The following NLGN1 variants were observed in gnomAD, a reference collection of about 807,000 sequenced individuals.
NLGN1 encodes the protein neuroligin-1.
NLGN1 carries 12 observed loss-of-function variants against 65.5 expected under a neutral mutation model. That is an observed-to-expected ratio of 0.18 (90% CI 0.12 to 0.30). The LOEUF is 0.30. Ranked by LOEUF, NLGN1 falls within the 10% of genes least tolerant of loss-of-function variation. NLGN1 has a pLI of 1.00. For missense variants in NLGN1, 750 were observed against 1,007.1 expected, an observed-to-expected ratio of 0.74 and a Z score of 3.46; for synonymous variants, 350 against 359.5, an observed-to-expected ratio of 0.97 and a Z score of 0.30.
At chr3:173,977,489 A>T (rs1203333573) in intron 4 of NLGN1, among the ~76,000 whole-genome samples, 1 of 152,062 alleles carries the variant, frequency 6.6e-6, no homozygotes, top group South Asian at 2.1e-4. Flanking sequence ...GATCATGTAC[A>T]ATACGTTAAG....
At chr3:173,873,668 A>G (rs1731601305) in intron 4 of NLGN1, among the ~76,000 whole-genome samples, 1 of 152,132 alleles carries the variant, frequency 6.6e-6, no homozygotes, top group Admixed American at 6.5e-5. Flanking sequence ...CTTTCAATCA[A>G]GTTAGAATGG....
Position 173,497,147 on chromosome 3 carries a change from G to C in NLGN1, c.-321+62069G>C, listed in dbSNP as rs549601235. ...GCCTGCAATCCCAGCACTTTGGGAG[G>C]CCAAGGCGGGCAGATCACCTGAGGT... On this transcript the variant is annotated intron_variant, in intron 2 of 6. Coordinates refer to ENST00000457714, the Ensembl canonical transcript of NLGN1. Among the ~76,000 whole-genome samples, 15 of 152,010 alleles carry C rather than the reference G, an allele frequency of 9.9e-5. No homozygotes were observed. In the East Asian group the frequency reaches 2.9e-3, roughly 29 times the overall value.
chr3:174,282,476 C>G (rs1577808550), exon 7 of NLGN1: 1 of 152,346 alleles, frequency 6.6e-6, no homozygotes, highest in East Asian at 1.9e-4. Context: ...CATCACTTAT[C>G]TTTCTCACTG....
At chr3:173,932,398 T>C (rs967485815) in intron 4 of NLGN1, among the ~76,000 whole-genome samples, 6 of 152,032 alleles carry the variant, frequency 3.9e-5, no homozygotes, top group African/African-American at 1.4e-4. Context: ...TGTTCTGATA[T>C]GATTAATTCA....
At chr3:174,254,144 G>C (rs1345185743) in intron 4 of NLGN1, among the ~76,000 whole-genome samples, 2 of 152,118 alleles carry the variant, frequency 1.3e-5, no homozygotes, top group Non-Finnish European at 2.9e-5. Flanking sequence ...CTGGCTGCTG[G>C]AATCAGGAGT....
rs1214938139 is a variant in NLGN1 at position 173,635,105 on chromosome 3, C to T, written c.493+30014C>T. Among the ~76,000 whole-genome samples, 6 of 152,092 alleles carry T rather than the reference C, an allele frequency of 3.9e-5. No homozygotes were observed. The East Asian group carries it at 1.2e-3, about 29-fold the overall frequency. On this transcript the variant is annotated intron_variant, in intron 3 of 6. Transcript: ENST00000457714. ...TGTGAACACTTATTTTGTCTAACAACATTAATAGTTATATTAATAATATGA... is the reference window on the plus strand; with the variant it reads ...TGTGAACACTTATTTTGTCTAACAATATTAATAGTTATATTAATAATATGA...
intron 2 of NLGN1, among the ~76,000 whole-genome samples, chr3:173,501,340 G>GTGT (rs919731662): frequency 2.0e-5 from 3 of 152,072 alleles, no homozygotes; most frequent in Non-Finnish European, 2.9e-5. Flanking sequence ...CCACTTACAA[G>GTGT]TGTATCTCAG....
chr3:173,944,314 G>GA (rs1455435545), intron 4 of NLGN1, among the ~76,000 whole-genome samples: 2 of 151,952 alleles, frequency 1.3e-5, no homozygotes, highest in African/African-American at 2.4e-5. Context: ...TACATGTGGA[G>GA]AAAAAAATGC....
At chr3:173,938,529 C>T (rs1030316846) in intron 4 of NLGN1, among the ~76,000 whole-genome samples, 1 of 152,122 alleles carries the variant, frequency 6.6e-6, no homozygotes. Context: ...GAGTTCTTTG[C>T]TACTGCAGTG....
At chr3:174,158,826 G>C (rs943602971) in intron 4 of NLGN1, among the ~76,000 whole-genome samples, 5 of 151,358 alleles carry the variant, frequency 3.3e-5, no homozygotes, top group African/African-American at 4.8e-5. Context: ...AGTTCATCAT[G>C]TCCTGGCTCC....
intron 4 of NLGN1, among the ~76,000 whole-genome samples, chr3:174,102,106 G>GA: frequency 6.6e-6 from 1 of 152,262 alleles, no homozygotes; most frequent in Non-Finnish European, 1.5e-5. Flanking sequence ...CATAAGTTTA[G>GA]ATTTTCCACC....
intron 4 of NLGN1, among the ~76,000 whole-genome samples, chr3:174,128,999 G>T (rs551429011): frequency 6.6e-6 from 1 of 152,008 alleles, no homozygotes. Flanking sequence ...CATCTGTTTG[G>T]GTCATTACCT....
At chr3:173,527,893 T>A (rs1016286735) in intron 2 of NLGN1, among the ~76,000 whole-genome samples, 1 of 152,194 alleles carries the variant, frequency 6.6e-6, no homozygotes, top group African/African-American at 2.4e-5. Context: ...GTTGCTTTAG[T>A]TTTTTTAAAT....
chr3:173,589,430 C>G (rs973923577), intron 2 of NLGN1, among the ~76,000 whole-genome samples: 1 of 152,154 alleles, frequency 6.6e-6, no homozygotes, highest in African/African-American at 2.4e-5. Flanking sequence ...GTCAACTTTC[C>G]TCTACCTATA....
At position 173,564,146 on chromosome 3, in the gene NLGN1, C is replaced by A. The variant is rs191575441; in HGVS notation, c.-320-40133C>A. On this transcript the variant is annotated intron_variant, in intron 2 of 6. Coordinates refer to ENST00000457714, the Ensembl canonical transcript of NLGN1. ...TTGCAGTCCTGCCATAGGGCCTCTGCACTCACTGTTCCATATTCCTGAAAT... is the reference window on the plus strand; with the variant it reads ...TTGCAGTCCTGCCATAGGGCCTCTGAACTCACTGTTCCATATTCCTGAAAT... Among the ~76,000 whole-genome samples the A allele has an allele frequency of 4.3e-3, 661 of 152,338 alleles. 5 individuals carry two copies. The highest frequency in any genetic ancestry group is 7.8e-3 in the Non-Finnish European group (529 of 68,032).
At chr3:174,131,333 A>G (rs913711239) in intron 4 of NLGN1, among the ~76,000 whole-genome samples, 7 of 152,168 alleles carry the variant, frequency 4.6e-5, no homozygotes, top group Admixed American at 1.3e-4. Context: ...AATGATTTGT[A>G]TAAACGTTTT....
intron 2 of NLGN1, among the ~76,000 whole-genome samples, chr3:173,526,023 T>C (rs1735582883): frequency 6.6e-6 from 1 of 152,160 alleles, no homozygotes; most frequent in African/African-American, 2.4e-5. Flanking sequence ...GCCAAAAATA[T>C]GCTCAATTTT....
At chr3:173,520,095 TGGCCATGTAAAATGTGCCTGCTTC>T (rs1734512664) in intron 2 of NLGN1, among the ~76,000 whole-genome samples, 1 of 152,200 alleles carries the variant, frequency 6.6e-6, no homozygotes, top group Non-Finnish European at 1.5e-5. Flanking sequence ...TCTCCTGCTT[TGGCCATGTAAAATGTGCCTGCTTC>T]CCCTTTGCCT....
chr3:173,979,491 T>C lies in NLGN1; in HGVS notation c.646+171659T>C, dbSNP rs551317875. ...TATTAAAATAATGGCTAATGGGCTC[T>C]AGATTGAAGAGAAAAGGTGTGAGGA... On this transcript the variant is annotated intron_variant, in intron 4 of 6. Coordinates refer to ENST00000457714, the Ensembl canonical transcript of NLGN1. Among the ~76,000 whole-genome samples the C allele has an allele frequency of 1.5e-3, 234 of 152,222 alleles. 1 individual carries two copies. Among genetic ancestry groups the C allele is most frequent in the African/African-American group, 5.6e-3 (232 of 41,558 alleles).
Sources: allele counts gnomAD v4.1 joint callset (sites outside exome capture counted in the v4.1 genomes callset), GRCh38; gene constraint gnomAD v4.1.1; transcripts MANE v1.5; gene names NCBI Gene and HGNC (gene_info 2026-07-23, HGNC 2026-07-21).